TMOD3: variants seen among roughly 807,000 people sequenced by gnomAD.
TMOD3 encodes the protein tropomodulin-3.
Under a neutral mutation model 39.2 loss-of-function variants are expected in TMOD3, and 20 were observed. That is an observed-to-expected ratio of 0.51 (90% CI 0.36 to 0.74). The LOEUF (loss-of-function observed/expected upper bound fraction) is 0.74. Ranked by LOEUF, TMOD3 falls within the 30% of genes least tolerant of loss-of-function variation. The pLI is 0.00. For synonymous variants in TMOD3, 143 were observed against 145.8 expected (o/e 0.98, Z 0.14); for missense variants, 381 against 412.8 (o/e 0.92, Z 0.67).
chr15:51,896,282 A>G, intron 6 of TMOD3, 137 bp from the exon 7 acceptor site: 1 of 604,844 alleles, frequency 1.7e-6, no homozygotes, highest in Middle Eastern at 3.6e-4. Flanking sequence ...ATTTGTATTC[A>G]TTTGTAGACT....
chr15:51,912,190 G>T lies in TMOD3; in HGVS notation c.*3380G>T, dbSNP rs984580334. On this transcript the variant is annotated 3_prime_UTR_variant, in exon 10 of 10. Coordinates refer to ENST00000308580, the MANE Select transcript of TMOD3 (RefSeq NM_014547.5). ...CGCCTGTAATCCTAGCACTTTGGGA[G>T]GCCGAGGTGGGCGGATCACCTGAGG... 6.6e-6 allele frequency: 1 copy of T among 152,168 alleles called. No individual in the cohort carries two copies. Among genetic ancestry groups the T allele is most frequent in the African/African-American group, 2.4e-5 (1 of 41,440 alleles). The allele number at this position is 152,168 out of a possible 1,614,324, so 9.4% of individuals were successfully genotyped here. A position where few individuals can be genotyped will look rare whatever the true frequency, so the allele number is the denominator to read the frequency against.
At chr15:51,831,115 A>C (rs981461154) in intron 1 of TMOD3, among the ~76,000 whole-genome samples, 1 of 152,200 alleles carries the variant, frequency 6.6e-6, no homozygotes, top group African/African-American at 2.4e-5. Flanking sequence ...CTCATTCAGG[A>C]AACACTGGCG....
rs754722291 is a variant in TMOD3 at position 51,902,036 on chromosome 15, G to C, written c.1024G>C (p.Val342Leu). The C allele has an allele frequency of 2.5e-6, 4 of 1,613,766 alleles. No homozygotes were observed. Among genetic ancestry groups the C allele is most frequent in the Non-Finnish European group, 3.4e-6 (4 of 1,179,942 alleles). ...ANAITKNNDL[V>L]RKRRVEGDHQ ...TGCTATAACAAAAAACAATGACTTA[G>C]GTAAGACATAGTATCGATCAAGTTT... Residue 342 changes from valine to leucine, a missense_variant and splice_region_variant, in exon 9 of 10, where the codon GTG (valine) becomes CTG (leucine). Coordinates refer to ENST00000308580, the MANE Select transcript of TMOD3 (RefSeq NM_014547.5).
In TMOD3 at chr15:51,869,464, C is replaced by T. The variant is rs547833362; in HGVS notation, c.283+91C>T. Reference sequence around the variant, plus strand: ...GGAGAAAATCATATTTTTAGAGGTACATCATTGGTAGCCTTAAATATATGA... The same window carrying T: ...GGAGAAAATCATATTTTTAGAGGTATATCATTGGTAGCCTTAAATATATGA... On this transcript the variant is annotated intron_variant, in intron 3 of 9. Transcript: ENST00000308580. 1.0e-4 allele frequency: 129 copies of T among 1,242,774 alleles called. 3 individuals are homozygous for T. The South Asian group carries it at 1.7e-3, about 16-fold the overall frequency. 77.0% of individuals were successfully genotyped at this position (1,242,774 alleles called of 1,614,324 possible).
intron 3 of TMOD3, among the ~76,000 whole-genome samples, chr15:51,883,547 A>G (rs76257790): frequency 0.011 from 1,751 of 152,296 alleles, 36 homozygotes; most frequent in African/African-American, 0.036. Flanking sequence ...ATTAAATTTG[A>G]CATACATATT....
intron 1 of TMOD3, among the ~76,000 whole-genome samples, chr15:51,850,511 C>A (rs1196726126): frequency 6.6e-6 from 1 of 151,756 alleles, no homozygotes; most frequent in Non-Finnish European, 1.5e-5. Context: ...GAGGGGTAGG[C>A]AGTATTGAAG....
chr15:51,881,346 T>C (rs372783694), intron 3 of TMOD3, among the ~76,000 whole-genome samples: 1 of 152,274 alleles, frequency 6.6e-6, no homozygotes, highest in South Asian at 2.1e-4. Flanking sequence ...TAAAAATTTC[T>C]TGCCAGATAT....
At chr15:51,872,578 A>G (rs1194480891) in intron 3 of TMOD3, among the ~76,000 whole-genome samples, 1 of 136,732 alleles carries the variant, frequency 7.3e-6, no homozygotes, top group African/African-American at 2.7e-5. Flanking sequence ...TATGTCATAT[A>G]TTTTTTGTGA....
At chr15:51,855,099 A>C (rs183489767) in intron 1 of TMOD3, among the ~76,000 whole-genome samples, 1 of 152,372 alleles carries the variant, frequency 6.6e-6, no homozygotes, top group East Asian at 1.9e-4. Context: ...GAAAAGCAAC[A>C]GCACCCATAG....
At position 51,902,736 on chromosome 15, in the gene TMOD3, G is replaced by A. The variant is rs1484790954; in HGVS notation, c.1024+700G>A. ...ACGATCTCGGCTCACTGCAAGCTCC[G>A]CCTCCCAGGTTCACGCCATTCTCCT... is the stretch of plus-strand genomic sequence containing the variant. On this transcript the variant is annotated intron_variant, in intron 9 of 9. Transcript: ENST00000308580. Among the ~76,000 whole-genome samples the A allele has an allele frequency of 7.9e-5, 11 of 138,430 alleles. No homozygotes were observed. The East Asian group carries it at 1.9e-3, about 24-fold the overall frequency. 90.8% of individuals were successfully genotyped at this position (138,430 alleles called of 152,430 possible). A position where few individuals can be genotyped will look rare whatever the true frequency, so the allele number is the denominator to read the frequency against.
chr15:51,881,999 A>T (rs1434619948), intron 3 of TMOD3, among the ~76,000 whole-genome samples: 2 of 151,070 alleles, frequency 1.3e-5, no homozygotes, highest in African/African-American at 2.4e-5. Context: ...GGTTCAAGCG[A>T]TTCTCCTGCC....
At chr15:51,833,164 T>A (rs566684921) in intron 1 of TMOD3, 31 of 152,390 alleles carry the variant, frequency 2.0e-4, no homozygotes, top group African/African-American at 7.2e-4. Flanking sequence ...ATTTGGTGTT[T>A]ATAAAAAATT....
At chr15:51,843,370 T>G (rs952235696) in intron 1 of TMOD3, among the ~76,000 whole-genome samples, 1 of 152,136 alleles carries the variant, frequency 6.6e-6, no homozygotes, top group Non-Finnish European at 1.5e-5. Flanking sequence ...TCCTAGTGAT[T>G]CTTAGAGCAA....
chr15:51,864,066 G>T (rs552193337), intron 2 of TMOD3, among the ~76,000 whole-genome samples: 1 of 152,112 alleles, frequency 6.6e-6, no homozygotes, highest in Admixed American at 6.5e-5. Flanking sequence ...AGGAGTTCGA[G>T]ACCAGCCTGG....
chr15:51,861,218 G>C, intron 1 of TMOD3: 1 of 460,458 alleles, frequency 2.2e-6, no homozygotes, highest in Middle Eastern at 3.7e-4. Flanking sequence ...CTGCATGACT[G>C]AACAGTCCAA....
chr15:51,836,542 T>C (rs539565702), intron 1 of TMOD3, among the ~76,000 whole-genome samples: 205 of 152,032 alleles, frequency 1.3e-3, no homozygotes, highest in Non-Finnish European at 2.3e-3. Context: ...CTGGCCAACA[T>C]GGTGAAACCC....
chr15:51,868,649 G>C (rs543205952), intron 2 of TMOD3, among the ~76,000 whole-genome samples: 1 of 152,300 alleles, frequency 6.6e-6, no homozygotes, highest in Non-Finnish European at 1.5e-5. Flanking sequence ...TTTTCTGCTA[G>C]TAGAATCCTC....
chr15:51,831,600 A>G (rs1276656628), intron 1 of TMOD3, among the ~76,000 whole-genome samples: 1 of 152,036 alleles, frequency 6.6e-6, no homozygotes, highest in Non-Finnish European at 1.5e-5. Flanking sequence ...GATAACTGAT[A>G]TTAGATACAT....
chr15:51,867,763 C>A (rs1433231205), intron 2 of TMOD3, among the ~76,000 whole-genome samples: 1 of 152,034 alleles, frequency 6.6e-6, no homozygotes, highest in African/African-American at 2.4e-5. Context: ...AAAGATATAC[C>A]CAGAAATATG....
Sources: gnomAD v4.1 joint callset for allele counts (sites outside exome capture counted in the v4.1 genomes callset) on GRCh38, gnomAD v4.1.1 for gene constraint, MANE v1.5 for transcripts, NCBI Gene and HGNC (gene_info 2026-07-23, HGNC 2026-07-21) for gene names.